KCNG3: variants seen among roughly 807,000 people sequenced by gnomAD.
KCNG3 encodes the protein voltage-gated potassium channel regulatory subunit KCNG3.
Under a neutral mutation model 29.0 loss-of-function variants are expected in KCNG3, and 15 were observed. The observed-to-expected ratio is 0.52, with a 90% CI of 0.35 to 0.80. KCNG3 has a LOEUF of 0.80. Ranked by LOEUF, KCNG3 falls within the 30% of genes least tolerant of loss-of-function variation. The pLI, the probability that KCNG3 is intolerant of heterozygous loss-of-function variation, is 0.01. For missense variants in KCNG3, 512 were observed against 605.7 expected (o/e 0.85, Z 1.62); for synonymous variants, 322 against 248.9 (o/e 1.29, Z -2.76).
chr2:42,448,069 A>G (rs1297971912), intron 1 of KCNG3, among the ~76,000 whole-genome samples: 1 of 152,116 alleles, frequency 6.6e-6, no homozygotes, highest in Non-Finnish European at 1.5e-5. Context: ...GGTCTCTGCC[A>G]CTCTGAGAGA....
At chr2:42,488,913 T>C (rs1673803130) in intron 1 of KCNG3, among the ~76,000 whole-genome samples, 1 of 151,916 alleles carries the variant, frequency 6.6e-6, no homozygotes, top group South Asian at 2.1e-4. Context: ...TTTGAAATGT[T>C]ATATAAACAA....
chr2:42,404,255 C>T, the KCNG3 span, among the ~76,000 whole-genome samples: 1 of 152,010 alleles, frequency 6.6e-6, no homozygotes, highest in Non-Finnish European at 1.5e-5. Flanking sequence ...TTTCTTGGCA[C>T]AGAATTGTTG....
rs781513327 is a variant in KCNG3 at position 42,444,045 on chromosome 2, T to C, written c.1200A>G (p.Leu400=). Residue 400 remains leucine (L), a synonymous_variant, in exon 2 of 2, where the codon CTA becomes CTG. Transcript: ENST00000306078. The surrounding 1 kb of genome is among the most constrained non-coding windows in gnomAD (Gnocchi z 5.8). ...AGATAAAAGTGATAGGTAATGCCAA[T>C]AGAACAATTCCACTGACAACACAAA... ...GGVCVVSGIV[L]LALPITFIYH... 25 of 1,614,044 alleles carry C rather than the reference T, an allele frequency of 1.5e-5. No individual in the cohort carries two copies. Among genetic ancestry groups the C allele is most frequent in the African/African-American group, 4.0e-5 (3 of 74,904 alleles).
chr2:42,409,947 A>T, the KCNG3 span, among the ~76,000 whole-genome samples: 1 of 152,088 alleles, frequency 6.6e-6, no homozygotes, highest in African/African-American at 2.4e-5. Flanking sequence ...TAATGTGATC[A>T]CATAATTTAC....
intron 1 of KCNG3, among the ~76,000 whole-genome samples, chr2:42,449,514 C>CTT (rs36088470): frequency 4.6e-4 from 46 of 99,426 alleles, no homozygotes; most frequent in Non-Finnish European, 5.9e-4. Context: ...ACTGAGATTT[C>CTT]TTTTTTTTTT....
intron 1 of KCNG3, among the ~76,000 whole-genome samples, chr2:42,489,368 G>A (rs1482947457): frequency 6.6e-6 from 1 of 152,130 alleles, no homozygotes; most frequent in Non-Finnish European, 1.5e-5. Context: ...CGGCCTGGGT[G>A]ACAGAGTGAG....
At chr2:42,393,186 C>G in the KCNG3 span, among the ~76,000 whole-genome samples, 1 of 150,980 alleles carries the variant, frequency 6.6e-6, no homozygotes, top group Non-Finnish European at 1.5e-5. Flanking sequence ...TAAAACAGTA[C>G]TTGACATGCA....
intron 1 of KCNG3, among the ~76,000 whole-genome samples, chr2:42,457,348 G>C (rs1672900514): frequency 6.7e-6 from 1 of 150,258 alleles, no homozygotes; most frequent in African/African-American, 2.4e-5. Context: ...AAAAAAATTA[G>C]CCAAGCATGG....
rs1437935388 is a variant in KCNG3, at chr2:42,481,883, AC to A, written c.665+10953del. 2.6e-5 allele frequency among the ~76,000 whole-genome samples: 4 copies of A among 152,338 alleles called. No individual in the cohort carries two copies. The East Asian group carries it at 7.7e-4, about 29-fold the overall frequency. On this transcript the variant is annotated intron_variant, in intron 1 of 1. Coordinates refer to ENST00000306078, the MANE Select transcript of KCNG3 (RefSeq NM_133329.6). The stretch of plus-strand genomic sequence containing the variant: ...GAGGCCTGTACTAATCATGGCGCAC[AC>A]TTACACTCTGCACACCCCTTATTCT...
In KCNG3 at chr2:42,493,188, C is replaced by A; in HGVS notation, c.314G>T (p.Gly105Val). 6.2e-7 allele frequency: 1 copy of A among 1,609,948 alleles called. No individual in the cohort carries two copies. Among genetic ancestry groups the A allele is most frequent in the African/African-American group, 1.3e-5 (1 of 75,048 alleles). Residue 105 changes from glycine (G) to valine (V), a missense_variant, in exon 1 of 2, where the codon GGC (glycine) becomes GTC (valine). Around this residue, in one of 5 missense-constraint regions of KCNG3, gnomAD observed 228 missense variants for 200.0 expected, o/e 1.14. Transcript: ENST00000306078. ...YNEMIYWGLE[G>V]AHLEYCCQRR... ...CTGGCAGCAGTACTCGAGGTGCGCG[C>A]CCTCCAGGCCCCAGTAGATCATCTC... is the stretch of plus-strand genomic sequence containing the variant.
the KCNG3 span, among the ~76,000 whole-genome samples, chr2:42,424,337 T>C: frequency 4.6e-5 from 7 of 151,868 alleles, no homozygotes; most frequent in Non-Finnish European, 1.0e-4. Context: ...ACAGAGATGA[T>C]GGGACTTCTG....
chr2:42,457,840 G>A (rs1672917812), intron 1 of KCNG3, among the ~76,000 whole-genome samples: 1 of 151,702 alleles, frequency 6.6e-6, no homozygotes, highest in Non-Finnish European at 1.5e-5. Context: ...AATGTACAAA[G>A]CCAGGTGTGG....
At chr2:42,466,259 A>G (rs541169254) in intron 1 of KCNG3, among the ~76,000 whole-genome samples, 86 of 152,252 alleles carry the variant, frequency 5.6e-4, no homozygotes, top group African/African-American at 2.0e-3. Context: ...TACAAAAATT[A>G]GTCAGGCGTG....
chr2:42,480,085 C>T (rs1572862484), intron 1 of KCNG3, among the ~76,000 whole-genome samples: 4 of 152,288 alleles, frequency 2.6e-5, no homozygotes, highest in African/African-American at 2.4e-5. Flanking sequence ...TACTTGATAT[C>T]CCACACCAAC....
the KCNG3 span, among the ~76,000 whole-genome samples, chr2:42,413,195 G>A: frequency 2.6e-5 from 4 of 152,090 alleles, no homozygotes; most frequent in African/African-American, 9.7e-5. Context: ...TTTAGAGACA[G>A]GGTCTCACTA....
chr2:42,403,608 G>C, the KCNG3 span, among the ~76,000 whole-genome samples: 1 of 144,762 alleles, frequency 6.9e-6, no homozygotes, highest in Non-Finnish European at 1.5e-5. Context: ...GTCTCTCTAC[G>C]TGACTTTTTT....
At position 42,477,439 on chromosome 2, in the gene KCNG3, T is replaced by A. The variant is rs1159436819; in HGVS notation, c.665+15398A>T. On this transcript the variant is annotated intron_variant, in intron 1 of 1. Transcript: ENST00000306078. ...CACACACACATATATTTTTTTTTTT[T>A]TTTTTTGAGACGGAGTCTTGCTCTG... Among the ~76,000 whole-genome samples the A allele has an allele frequency of 3.4e-4, 40 of 117,894 alleles. No individual in the cohort carries two copies. In the East Asian group the frequency reaches 0.015, roughly 43 times the overall value. The allele number at this position is 117,894 out of a possible 152,430, so 77.3% of individuals were successfully genotyped here.
At chr2:42,446,491 C>A (rs1252347134) in intron 1 of KCNG3, among the ~76,000 whole-genome samples, 1 of 151,994 alleles carries the variant, frequency 6.6e-6, no homozygotes, top group Non-Finnish European at 1.5e-5. Context: ...AAATTTTTAA[C>A]ATTCGAAATT....
chr2:42,410,691 A>G, the KCNG3 span, among the ~76,000 whole-genome samples: 3 of 152,194 alleles, frequency 2.0e-5, no homozygotes, highest in South Asian at 2.1e-4. Context: ...AAGCTCTTTT[A>G]GTTTTTAAAA....
Sources: allele counts gnomAD v4.1 joint callset (sites outside exome capture counted in the v4.1 genomes callset), GRCh38; gene constraint gnomAD v4.1.1; regional missense constraint gnomAD v4.1.1; non-coding constraint Gnocchi (gnomAD v3.1); transcripts MANE v1.5; gene names NCBI Gene and HGNC (gene_info 2026-07-23, HGNC 2026-07-21).